The following AVL9 variants were observed in gnomAD, a reference collection of about 807,000 sequenced individuals.
AVL9 encodes AVL9 cell migration associated.
Under a neutral mutation model 79.2 loss-of-function variants are expected in AVL9, and 49 were observed. That is an observed-to-expected ratio of 0.62 (90% CI 0.49 to 0.79). The LOEUF (loss-of-function observed/expected upper bound fraction) is 0.79, where lower values mean the gene tolerates loss of function less well. Ranked by LOEUF, AVL9 falls within the 30% of genes least tolerant of loss-of-function variation. The probability of loss-of-function intolerance (pLI) is 0.00; values close to 1 mark genes in which losing one functional copy is unlikely to be tolerated. For synonymous variants in AVL9, 299 were observed against 280.6 expected, an observed-to-expected ratio of 1.07 and a Z score of -0.65; for missense variants, 682 against 776.8, an observed-to-expected ratio of 0.88 and a Z score of 1.45.
chr7:32,579,452 T>A (rs1444514509), intron 13 of AVL9, among the ~76,000 whole-genome samples: 1,039 of 1,992 alleles, frequency 0.52, 433 homozygotes, highest in Non-Finnish European at 0.61. Flanking sequence ...TATAATATAT[T>A]ATATATTATA....
chr7:32,519,510 G>T (rs924887470), intron 1 of AVL9, among the ~76,000 whole-genome samples: 1 of 151,712 alleles, frequency 6.6e-6, no homozygotes, highest in Non-Finnish European at 1.5e-5. Flanking sequence ...ACATGACTTC[G>T]GCAGTCTTTG....
At position 32,579,536 on chromosome 7, in the gene AVL9, TTA is replaced by T. The variant is rs1479259986; in HGVS notation, c.1689-677_1689-676del. ...ATTATATTATATATTATATATTATA[TTA>T]TATATTATATATTATATATTATATT... is the stretch of plus-strand genomic sequence containing the variant. On this transcript the variant is annotated intron_variant, in intron 13 of 15. Coordinates refer to ENST00000318709, the MANE Select transcript of AVL9 (RefSeq NM_015060.3). 4.0e-3 allele frequency among the ~76,000 whole-genome samples: 17 copies of T among 4,264 alleles called. 3 individuals are homozygous for T. Among genetic ancestry groups the T allele is most frequent in the Admixed American group, 6.5e-3 (1 of 154 alleles). 2.8% of individuals were successfully genotyped at this position (4,264 alleles called of 152,430 possible). A position where few individuals can be genotyped will look rare whatever the true frequency, so the allele number is the denominator to read the frequency against.
intron 1 of AVL9, chr7:32,532,513 G>A (rs1788704925): frequency 6.6e-6 from 1 of 150,984 alleles, no homozygotes. Context: ...TTATATAATA[G>A]AGTCCTGATA....
rs996605766 is a variant in AVL9 at position 32,552,257 on chromosome 7, T to C, written c.491T>C (p.Leu164Ser). 1 of 1,604,210 alleles carries C rather than the reference T, an allele frequency of 6.2e-7. No homozygotes were observed. Among genetic ancestry groups the C allele is most frequent in the Non-Finnish European group, 8.5e-7 (1 of 1,171,922 alleles). Reference sequence around the variant, plus strand: ...CTTTATGAACATATGAATAGTTCCTTGGGAGGTGCTTCATTAGAAGGATCC... The same window carrying C: ...CTTTATGAACATATGAATAGTTCCTCGGGAGGTGCTTCATTAGAAGGATCC... ...KELYEHMNSS[L>S]GGASLEGSQV... is the part of the protein sequence containing the mutation. Residue 164 changes from leucine (L) to serine (S), a missense_variant, in exon 6 of 16, where the codon TTG becomes TCG. Physicochemically the swap from Leu to Ser is moderately radical, Grantham distance 145 (BLOSUM62 -2). Coordinates refer to ENST00000318709, the MANE Select transcript of AVL9 (RefSeq NM_015060.3).
At chr7:32,510,141 GT>G (rs1354138056) in intron 1 of AVL9, among the ~76,000 whole-genome samples, 1 of 150,634 alleles carries the variant, frequency 6.6e-6, no homozygotes, top group Non-Finnish European at 1.5e-5. Context: ...GGTGGTGGGA[GT>G]CCACAGTCCT....
chr7:32,502,365 C>G lies in AVL9; in HGVS notation c.93+6563C>G, dbSNP rs117593980. 1.3e-3 allele frequency among the ~76,000 whole-genome samples: 169 copies of G among 129,146 alleles called. 3 individuals carry two copies. In the East Asian group the frequency reaches 0.035, roughly 27 times the overall value. The allele number at this position is 129,146 out of a possible 152,430, so 84.7% of individuals were successfully genotyped here. A position where few individuals can be genotyped will look rare whatever the true frequency, so the allele number is the denominator to read the frequency against. ...CCGAGATGGCACCACTGCACTCCAG[C>G]CTGGGTGAGAGAGTAAAACCCTTTC... is the stretch of plus-strand genomic sequence containing the variant. On this transcript the variant is annotated intron_variant, in intron 1 of 15. Coordinates refer to ENST00000318709, the MANE Select transcript of AVL9 (RefSeq NM_015060.3).
intron 1 of AVL9, among the ~76,000 whole-genome samples, chr7:32,507,566 G>A (rs1050321669): frequency 2.4e-4 from 36 of 152,160 alleles, no homozygotes; most frequent in African/African-American, 8.0e-4. Context: ...CATCTATGCC[G>A]TTGCATATTC....
chr7:32,577,807 TGAA>T (rs1791170208), intron 13 of AVL9, among the ~76,000 whole-genome samples: 1 of 152,178 alleles, frequency 6.6e-6, no homozygotes, highest in South Asian at 2.1e-4. Flanking sequence ...AAAAGAAGGC[TGAA>T]GAAGGACTTG....
intron 5 of AVL9, 126 bp from the exon 6 acceptor site, chr7:32,552,103 T>G (rs916544025): frequency 3.2e-6 from 2 of 625,028 alleles, no homozygotes; most frequent in African/African-American, 3.7e-5. Context: ...CTTGATTGTT[T>G]TTAAATTTAG....
chr7:32,554,509 T>A lies in AVL9; in HGVS notation c.571-49T>A, dbSNP rs551375314. ...TTTTAGGAGGGGAAAAGATGAATTA[T>A]AGGCGTGAGTCTCTCATTTCAATAC... On this transcript the variant is annotated intron_variant, in intron 7 of 15. Transcript: ENST00000318709. 1.4e-5 allele frequency: 17 copies of A among 1,205,572 alleles called. No homozygotes were observed. The East Asian group carries it at 3.4e-4, about 24-fold the overall frequency. The allele number at this position is 1,205,572 out of a possible 1,614,324, so 74.7% of individuals were successfully genotyped here. A position where few individuals can be genotyped will look rare whatever the true frequency, so the allele number is the denominator to read the frequency against.
intron 8 of AVL9, 80 bp downstream of exon 8, chr7:32,554,676 A>G (rs1481970567): frequency 2.1e-6 from 2 of 963,704 alleles, no homozygotes; most frequent in Non-Finnish European, 3.0e-6. Flanking sequence ...ATAAAATTGA[A>G]ACTAATGATA....
At chr7:32,502,424 C>G (rs1255881182) in intron 1 of AVL9, among the ~76,000 whole-genome samples, 2 of 133,908 alleles carry the variant, frequency 1.5e-5, no homozygotes, top group African/African-American at 5.5e-5. Context: ...GAAAAGGTAT[C>G]AAACCATAAT....
At chr7:32,566,171 A>ATT (rs1485208811) in intron 10 of AVL9, among the ~76,000 whole-genome samples, 5 of 30,132 alleles carry the variant, frequency 1.7e-4, no homozygotes, top group Admixed American at 1.3e-3. Flanking sequence ...AATTTTAATT[A>ATT]TTATTATTAT....
At chr7:32,571,546 A>C (rs1285532167) in intron 11 of AVL9, among the ~76,000 whole-genome samples, 1 of 152,140 alleles carries the variant, frequency 6.6e-6, no homozygotes, top group Non-Finnish European at 1.5e-5. Context: ...AAGAAGAAAA[A>C]AAATTCACCC....
At position 32,580,405 on chromosome 7, in the gene AVL9, C is replaced by G. The variant is rs1250075809; in HGVS notation, c.1742+133C>G. 4 of 691,862 alleles carry G rather than the reference C, an allele frequency of 5.8e-6. No homozygotes were observed. In the African/African-American group the frequency reaches 7.3e-5, roughly 13 times the overall value. 42.9% of individuals were successfully genotyped at this position (691,862 alleles called of 1,614,324 possible). A position where few individuals can be genotyped will look rare whatever the true frequency, so the allele number is the denominator to read the frequency against. On this transcript the variant is annotated intron_variant, in intron 14 of 15. Transcript: ENST00000318709. ...AAATAGTAACCAAATATGTGCATAA[C>G]ATTCTTTAGCTCAGCAGTGTGTATG... is the stretch of plus-strand genomic sequence containing the variant.
intron 12 of AVL9, among the ~76,000 whole-genome samples, chr7:32,574,678 T>G (rs1019620171): frequency 1.4e-5 from 2 of 144,160 alleles, no homozygotes; most frequent in Admixed American, 1.4e-4. Flanking sequence ...GGTAGGGACC[T>G]TGTCATTGCC....
chr7:32,507,029 G>A (rs1787443104), intron 1 of AVL9, among the ~76,000 whole-genome samples: 1 of 151,960 alleles, frequency 6.6e-6, no homozygotes, highest in Admixed American at 6.6e-5. Context: ...ACCAAATGGG[G>A]TTTGTCACAG....
intron 4 of AVL9, among the ~76,000 whole-genome samples, chr7:32,550,647 AAAG>A (rs1789770560): frequency 6.6e-6 from 1 of 152,206 alleles, no homozygotes. Context: ...AACATCTAGA[AAAG>A]AACATTACAA....
intron 8 of AVL9, among the ~76,000 whole-genome samples, chr7:32,556,449 G>T (rs2128140595): frequency 6.6e-6 from 1 of 152,120 alleles, no homozygotes; most frequent in South Asian, 2.1e-4. Context: ...GGGAGGCAGA[G>T]GTTGCAGTGA....
Sources: allele counts gnomAD v4.1 joint callset (sites outside exome capture counted in the v4.1 genomes callset), GRCh38; gene constraint gnomAD v4.1.1; transcripts MANE v1.5; gene names NCBI Gene and HGNC (gene_info 2026-07-23, HGNC 2026-07-21).